SNAP91: variants seen among roughly 807,000 people sequenced by gnomAD.
SNAP91 encodes the protein synaptosome associated protein 91.
In SNAP91, 27 loss-of-function variants were observed where a neutral mutation model predicts 100.3. The ratio of observed to expected loss-of-function variants is 0.27; its 90% CI spans 0.20 to 0.37. The LOEUF (loss-of-function observed/expected upper bound fraction) is 0.37, where lower values mean the gene tolerates loss of function less well. Ranked by LOEUF, SNAP91 falls within the 10% of genes least tolerant of loss-of-function variation. The probability of loss-of-function intolerance (pLI) is 1.00; values close to 1 mark genes in which losing one functional copy is unlikely to be tolerated. For synonymous variants in SNAP91, 404 were observed against 398.6 expected (o/e 1.01, Z -0.16); for missense variants, 986 against 1,123.7 (o/e 0.88, Z 1.75).
intron 2 of SNAP91, among the ~76,000 whole-genome samples, chr6:83,698,105 A>T (rs1218531167): frequency 6.6e-6 from 1 of 152,166 alleles, no homozygotes; most frequent in Non-Finnish European, 1.5e-5. Flanking sequence ...AAAGTAATGC[A>T]GAATATAGTG....
At chr6:83,694,756 G>C (rs2099173648) in intron 2 of SNAP91, among the ~76,000 whole-genome samples, 1 of 152,170 alleles carries the variant, frequency 6.6e-6, no homozygotes, top group Admixed American at 6.5e-5. Context: ...ACAAGCACTA[G>C]AGAGGTCAAG....
rs74606686 is a variant in SNAP91, at chr6:83,609,726, C to T, written c.912+924G>A. On this transcript the variant is annotated intron_variant, in intron 12 of 29. Coordinates refer to ENST00000369694, the MANE Select transcript of SNAP91 (RefSeq NM_001242792.2). ...GGTAAAAAAGAGACAAGGAGGTAAA[C>T]GAGTTATTAAAGTTATTATAGTCAA... Among the ~76,000 whole-genome samples the T allele has an allele frequency of 5.5e-3, 839 of 152,138 alleles. 10 individuals are homozygous for T. The highest frequency in any genetic ancestry group is 0.019 in the African/African-American group (798 of 41,480).
intron 22 of SNAP91, among the ~76,000 whole-genome samples, chr6:83,586,077 T>C (rs2092544825): frequency 6.6e-6 from 1 of 152,142 alleles, no homozygotes; most frequent in Admixed American, 6.6e-5. Context: ...CTCGATCTCC[T>C]GACCTTGTGA....
chr6:83,651,424 A>G (rs974493882), intron 7 of SNAP91, among the ~76,000 whole-genome samples: 6 of 152,162 alleles, frequency 3.9e-5, no homozygotes, highest in African/African-American at 1.2e-4. Flanking sequence ...TGCATCCTAT[A>G]CATTTTGATA....
chr6:83,573,724 G>T (rs1812817277), intron 26 of SNAP91, among the ~76,000 whole-genome samples: 1 of 152,248 alleles, frequency 6.6e-6, no homozygotes, highest in Non-Finnish European at 1.5e-5. Context: ...TTTAATAAAT[G>T]ATGCTGGGAA....
At chr6:83,684,846 G>T (rs1251621192) in intron 2 of SNAP91, among the ~76,000 whole-genome samples, 4 of 152,076 alleles carry the variant, frequency 2.6e-5, no homozygotes, top group Admixed American at 6.6e-5. Flanking sequence ...GAACCATGCT[G>T]CAATGACTCC....
At chr6:83,669,831 C>T (rs560399382) in intron 2 of SNAP91, among the ~76,000 whole-genome samples, 1 of 151,940 alleles carries the variant, frequency 6.6e-6, no homozygotes, top group South Asian at 2.1e-4. Context: ...ATAATTCATT[C>T]CTTTTTATTG....
At chr6:83,566,645 G>C (rs949847731) in intron 26 of SNAP91, among the ~76,000 whole-genome samples, 5 of 152,174 alleles carry the variant, frequency 3.3e-5, no homozygotes, top group African/African-American at 1.2e-4. Context: ...ATTCAGTGGT[G>C]ATAAGTTTTT....
At chr6:83,564,517 T>C (rs905284369) in intron 26 of SNAP91, among the ~76,000 whole-genome samples, 8 of 152,054 alleles carry the variant, frequency 5.3e-5, no homozygotes, top group Admixed American at 2.6e-4. Flanking sequence ...TGCATGCCAC[T>C]GCACCCGGCT....
intron 2 of SNAP91, among the ~76,000 whole-genome samples, chr6:83,676,497 G>A (rs1488491965): frequency 2.0e-5 from 3 of 152,176 alleles, no homozygotes; most frequent in Non-Finnish European, 2.9e-5. Flanking sequence ...GAGGAAAGCA[G>A]CAAAAGCAAA....
intron 1 of SNAP91, 49 bp from the exon 2 acceptor site, chr6:83,708,006 C>T (rs1562774648): frequency 6.9e-7 from 1 of 1,444,694 alleles, no homozygotes. Context: ...CAGACCCTAC[C>T]CTCCAAGCAC....
At chr6:83,644,296 T>C (rs1044542487) in intron 7 of SNAP91, among the ~76,000 whole-genome samples, 29 of 152,284 alleles carry the variant, frequency 1.9e-4, no homozygotes, top group Admixed American at 1.8e-3. Context: ...CACTCGATCA[T>C]TGTGGATTTA....
chr6:83,602,145 GC>G (rs1390924201), intron 14 of SNAP91, among the ~76,000 whole-genome samples: 1 of 152,108 alleles, frequency 6.6e-6, no homozygotes, highest in Admixed American at 6.6e-5. Context: ...CTATTAGGGA[GC>G]CAAAGATGAG....
intron 2 of SNAP91, among the ~76,000 whole-genome samples, chr6:83,668,254 T>C (rs948637117): frequency 1.9e-4 from 29 of 152,264 alleles, no homozygotes; most frequent in African/African-American, 7.0e-4. Context: ...AGTTCAACCA[T>C]TGTGGAAGAC....
intron 8 of SNAP91, among the ~76,000 whole-genome samples, chr6:83,639,562 T>A (rs1196184387): frequency 2.0e-5 from 3 of 152,176 alleles, no homozygotes; most frequent in Non-Finnish European, 4.4e-5. Flanking sequence ...TTTTTGCAGA[T>A]CTCTTTCTTA....
At chr6:83,659,947 C>T (rs1299289132) in intron 5 of SNAP91, among the ~76,000 whole-genome samples, 4 of 152,148 alleles carry the variant, frequency 2.6e-5, no homozygotes, top group African/African-American at 4.8e-5. Context: ...ATGCTGATGT[C>T]GGAGGGTGCA....
At chr6:83,595,458 T>C (rs2094355110) in intron 16 of SNAP91, among the ~76,000 whole-genome samples, 3 of 152,196 alleles carry the variant, frequency 2.0e-5, no homozygotes. Context: ...TGTGTACAGA[T>C]GCTTCCCAGT....
chr6:83,709,285 GC>G (rs2099421830), upstream of SNAP91: 1 of 152,228 alleles, frequency 6.6e-6, no homozygotes, highest in Non-Finnish European at 1.5e-5. Context: ...TCCCCGGCAA[GC>G]CGGCGGGGAG....
intron 6 of SNAP91, among the ~76,000 whole-genome samples, chr6:83,657,213 T>G (rs1399967011): frequency 1.3e-5 from 2 of 152,198 alleles, no homozygotes; most frequent in African/African-American, 4.8e-5. Context: ...TATCTAATAG[T>G]TTCTGTGAAA....
Sources: gnomAD v4.1 joint callset for allele counts (sites outside exome capture counted in the v4.1 genomes callset) on GRCh38, gnomAD v4.1.1 for gene constraint, MANE v1.5 for transcripts, NCBI Gene and HGNC (gene_info 2026-07-23, HGNC 2026-07-21) for gene names.